PARG: variants seen among roughly 807,000 people sequenced by gnomAD.
PARG encodes mitochondrial poly(ADP-ribose) glycohydrolase.
A neutral mutation model predicts 113.0 loss-of-function variants in PARG; 35 were observed. The observed-to-expected ratio is 0.31, with a 90% CI of 0.24 to 0.41. The LOEUF is 0.41. Among genes scored for constraint, PARG ranks in the 10% least tolerant of loss-of-function variants. PARG has a pLI of 1.00. For synonymous variants in PARG, 330 were observed against 409.9 expected, an observed-to-expected ratio of 0.81 and a Z score of 2.36; for missense variants, 797 against 1,169.4, an observed-to-expected ratio of 0.68 and a Z score of 4.64.
intron 16 of PARG, among the ~76,000 whole-genome samples, chr10:49,830,098 G>A (rs1844581534): frequency 1.3e-5 from 2 of 152,082 alleles, no homozygotes; most frequent in East Asian, 1.9e-4. Context: ...AGACTACTAT[G>A]CTTGATAGTC....
chr10:49,919,876 T>G (rs1365714261), intron 6 of PARG, among the ~76,000 whole-genome samples: 1 of 152,200 alleles, frequency 6.6e-6, no homozygotes, highest in African/African-American at 2.4e-5. Flanking sequence ...GATCCCATCT[T>G]TGTATCCACC....
At chr10:49,829,227 C>T (rs1844528651) in intron 16 of PARG, among the ~76,000 whole-genome samples, 1 of 151,812 alleles carries the variant, frequency 6.6e-6, no homozygotes, top group South Asian at 2.1e-4. Context: ...CAGTGCAAGA[C>T]TCCGTCTCAA....
chr10:49,911,242 C>G (rs1263370504), intron 7 of PARG, among the ~76,000 whole-genome samples: 1 of 150,116 alleles, frequency 6.7e-6, no homozygotes, highest in Non-Finnish European at 1.5e-5. Flanking sequence ...AAGATCGTGC[C>G]ACTCCACTCC....
Position 49,933,959 on chromosome 10 carries a change from G to C in PARG, c.489C>G (p.His163Gln). The part of the protein sequence containing the change: ...AMCKWQNEGK[H>Q]TEQLLESEPQ... ...GTTCACTTTCCAAAAGCTGCTCCGT[G>C]TGTTTCCCTTCATTTTGCCACTTAC... Residue 163 changes from histidine (H) to glutamine (Q), a missense_variant, in exon 3 of 18, where the codon CAC becomes CAG. By Grantham distance (24) the His-to-Gln change is conservative (BLOSUM62 0). Coordinates refer to ENST00000616448, the MANE Select transcript of PARG (RefSeq NM_003631.5). 1 of 1,599,128 alleles carries C rather than the reference G, an allele frequency of 6.3e-7. No homozygotes were observed. Among genetic ancestry groups the C allele is most frequent in the Non-Finnish European group, 8.6e-7 (1 of 1,166,340 alleles).
chr10:49,835,888 A>G (rs553164319), intron 15 of PARG, among the ~76,000 whole-genome samples: 4 of 152,308 alleles, frequency 2.6e-5, no homozygotes, highest in East Asian at 3.9e-4. Flanking sequence ...TTATTATACC[A>G]TTATTTTCAT....
At chr10:49,910,103 T>C (rs1837083956) in intron 7 of PARG, among the ~76,000 whole-genome samples, 1 of 152,248 alleles carries the variant, frequency 6.6e-6, no homozygotes, top group South Asian at 2.1e-4. Flanking sequence ...TGATGTCCCA[T>C]TTACCTTTTA....
chr10:49,824,948 C>G (rs1252528932), intron 16 of PARG, among the ~76,000 whole-genome samples: 1 of 152,122 alleles, frequency 6.6e-6, no homozygotes, highest in Non-Finnish European at 1.5e-5. Context: ...GCAGACCTTA[C>G]CACATGCCAG....
At chr10:49,899,993 T>C (rs1238465070) in intron 7 of PARG, among the ~76,000 whole-genome samples, 1 of 152,052 alleles carries the variant, frequency 6.6e-6, no homozygotes, top group African/African-American at 2.4e-5. Flanking sequence ...CCTGCAGTTG[T>C]CCTTATATTA....
intron 1 of PARG, among the ~76,000 whole-genome samples, chr10:49,938,302 G>A (rs1355725684): frequency 8.6e-5 from 13 of 152,018 alleles, no homozygotes; most frequent in Admixed American, 3.9e-4. Flanking sequence ...GTTATCTCCC[G>A]ACATTTCCAC....
At position 49,819,398 on chromosome 10, in the gene PARG, T is replaced by C. The variant is rs1242690753; in HGVS notation, c.2873A>G (p.His958Arg). 27 of 1,551,380 alleles carry C rather than the reference T, an allele frequency of 1.7e-5. No homozygotes were observed. In the Admixed American group the frequency reaches 1.8e-4, roughly 10 times the overall value. The stretch of plus-strand genomic sequence containing the variant: ...GGTCTCTGCACAGGACTCGACAGCA[T>C]GGTATATGAATGGATAAAGCTTGAT... ...PDIKLYPFIY[H>R]AVESCAETAD... Residue 958 changes from histidine to arginine, a missense_variant, in exon 18 of 18, where the codon CAT (histidine) becomes CGT (arginine). Around this residue, in one of 5 missense-constraint regions of PARG, gnomAD observed 194 missense variants for 247.1 expected, o/e 0.79. Coordinates refer to ENST00000616448, the MANE Select transcript of PARG (RefSeq NM_003631.5).
intron 6 of PARG, among the ~76,000 whole-genome samples, chr10:49,917,627 C>T (rs1588987153): frequency 6.6e-6 from 1 of 151,450 alleles, no homozygotes; most frequent in Non-Finnish European, 1.5e-5. Flanking sequence ...TCGAGACTAG[C>T]CTGGGCAACA....
intron 13 of PARG, among the ~76,000 whole-genome samples, chr10:49,844,778 GAACA>G (rs1302650514): frequency 1.3e-5 from 2 of 151,740 alleles, no homozygotes; most frequent in Non-Finnish European, 2.9e-5. Flanking sequence ...AAAAACAAAC[GAACA>G]AACAATGAAA....
intron 7 of PARG, among the ~76,000 whole-genome samples, chr10:49,895,125 G>T (rs1422399702): frequency 6.6e-6 from 1 of 152,120 alleles, no homozygotes; most frequent in Non-Finnish European, 1.5e-5. Flanking sequence ...CATCTGCAAA[G>T]ACTGTATTTC....
chr10:49,832,999 G>T, intron 15 of PARG, 91 bp from the exon 16 acceptor site: 1 of 568,680 alleles, frequency 1.8e-6, no homozygotes, highest in Non-Finnish European at 2.9e-6. Flanking sequence ...CCATTATCAA[G>T]CTTATGTTCA....
At chr10:49,856,284 A>C (rs1162485546) in intron 13 of PARG, among the ~76,000 whole-genome samples, 2 of 151,400 alleles carry the variant, frequency 1.3e-5, no homozygotes, top group South Asian at 4.2e-4. Flanking sequence ...GGTTCAAGTG[A>C]TTATCCTGCC....
At chr10:49,833,121 C>A in intron 15 of PARG, 1 of 338,176 alleles carries the variant, frequency 3.0e-6, no homozygotes. Context: ...ATGATAAATT[C>A]TAATATTTAT....
intron 13 of PARG, among the ~76,000 whole-genome samples, chr10:49,850,426 C>A (rs2132488378): frequency 6.6e-6 from 1 of 151,860 alleles, no homozygotes; most frequent in African/African-American, 2.4e-5. Flanking sequence ...AAAATTCATT[C>A]AAACCCACAA....
chr10:49,827,601 AC>A (rs1844421722), intron 16 of PARG, among the ~76,000 whole-genome samples: 1 of 152,212 alleles, frequency 6.6e-6, no homozygotes, highest in Admixed American at 6.5e-5. Flanking sequence ...AAAAACAACA[AC>A]AAAATAAGGC....
intron 1 of PARG, among the ~76,000 whole-genome samples, chr10:49,941,119 T>C (rs1403086340): frequency 2.0e-5 from 3 of 152,200 alleles, no homozygotes; most frequent in Non-Finnish European, 4.4e-5. Context: ...AACTAATAGC[T>C]CTGCACCCTG....
Sources: allele counts gnomAD v4.1 joint callset (sites outside exome capture counted in the v4.1 genomes callset), GRCh38; gene constraint gnomAD v4.1.1; regional missense constraint gnomAD v4.1.1; transcripts MANE v1.5; gene names NCBI Gene and HGNC (gene_info 2026-07-23, HGNC 2026-07-21).